DOCK9: variants seen among roughly 807,000 people sequenced by gnomAD.
The protein encoded by DOCK9 is dedicator of cytokinesis protein 9.
In DOCK9, 89 loss-of-function variants were observed where a neutral mutation model predicts 263.3. The ratio of observed to expected loss-of-function variants is 0.34; its 90% CI spans 0.28 to 0.40. The LOEUF (loss-of-function observed/expected upper bound fraction) is 0.40. Ranked by LOEUF, DOCK9 falls within the 10% of genes least tolerant of loss-of-function variation. The probability of loss-of-function intolerance (pLI) is 1.00; values close to 1 mark genes in which losing one functional copy is unlikely to be tolerated. For synonymous variants in DOCK9, 976 were observed against 973.1 expected (o/e 1.00, Z -0.06); for missense variants, 2,140 against 2,603.4 (o/e 0.82, Z 3.87).
intron 1 of DOCK9, among the ~76,000 whole-genome samples, chr13:99,070,452 C>A (rs1230555062): frequency 6.6e-6 from 1 of 152,104 alleles, no homozygotes; most frequent in Non-Finnish European, 1.5e-5. Context: ...CTGCTTACTG[C>A]GTTTTTTTTG....
chr13:98,835,999 G>A (rs1249280145), intron 39 of DOCK9, among the ~76,000 whole-genome samples: 4 of 152,110 alleles, frequency 2.6e-5, no homozygotes, highest in Non-Finnish European at 5.9e-5. Context: ...GCCTCCCAAA[G>A]TGCTGGGATT....
intron 1 of DOCK9, among the ~76,000 whole-genome samples, chr13:98,966,316 G>A (rs2059191112): frequency 1.3e-5 from 2 of 152,232 alleles, no homozygotes; most frequent in Admixed American, 1.3e-4. Context: ...GGGTAAAAGG[G>A]GAACACAGCG....
chr13:98,847,880 G>C (rs545266603), intron 37 of DOCK9, among the ~76,000 whole-genome samples: 1 of 152,316 alleles, frequency 6.6e-6, no homozygotes, highest in South Asian at 2.1e-4. Flanking sequence ...AATGGCAGTG[G>C]GGCAGGAGGA....
chr13:99,087,659 C>G (rs755719360), upstream of DOCK9, among the ~76,000 whole-genome samples: 1 of 152,180 alleles, frequency 6.6e-6, no homozygotes, highest in Non-Finnish European at 1.5e-5. Context: ...GCAGCCTAAC[C>G]CTCACAGGGC....
At chr13:98,952,093 T>C (rs2057500454) in intron 2 of DOCK9, among the ~76,000 whole-genome samples, 1 of 151,702 alleles carries the variant, frequency 6.6e-6, no homozygotes, top group African/African-American at 2.4e-5. Context: ...AGACGGGGTT[T>C]TGCCATGTTG....
intron 1 of DOCK9, among the ~76,000 whole-genome samples, chr13:98,990,550 A>G (rs1475611062): frequency 1.3e-5 from 2 of 152,236 alleles, no homozygotes; most frequent in Non-Finnish European, 2.9e-5. Context: ...AATTTGGGGA[A>G]AAACATGAGA....
At chr13:98,897,389 T>C (rs1433905966) in intron 15 of DOCK9, 99 bp downstream of exon 15, 3 of 1,452,336 alleles carry the variant, frequency 2.1e-6, no homozygotes, top group Admixed American at 2.1e-5. Flanking sequence ...TCCCCTCTGA[T>C]GTCTAAATCG....
rs912676622 is a variant in DOCK9, at chr13:99,015,761, A to G, written c.130-60210T>C. ...AAGGGAAGCTCTGAGCTGCCGTACT[A>G]GAATCCGCTCCTGCTCAACAGCCTG... is the stretch of plus-strand genomic sequence containing the variant. On this transcript the variant is annotated intron_variant, in intron 1 of 32. Transcript: ENST00000427887. 21 of 1,332,862 alleles carry G rather than the reference A, an allele frequency of 1.6e-5. No individual in the cohort carries two copies. The African/African-American group carries it at 2.8e-4, about 18-fold the overall frequency. The allele number at this position is 1,332,862 out of a possible 1,614,324, so 82.6% of individuals were successfully genotyped here.
chr13:99,031,122 T>A (rs1566327376), intron 1 of DOCK9, among the ~76,000 whole-genome samples: 4 of 116,348 alleles, frequency 3.4e-5, no homozygotes, highest in Non-Finnish European at 7.8e-5. Context: ...GATGTTTTTT[T>A]TAAAAAAAAG....
chr13:98,874,088 T>C (rs2094261042), intron 27 of DOCK9, among the ~76,000 whole-genome samples: 1 of 152,208 alleles, frequency 6.6e-6, no homozygotes, highest in African/African-American at 2.4e-5. Context: ...TCTTGACAAG[T>C]GAATATAACT....
upstream of DOCK9, among the ~76,000 whole-genome samples, chr13:98,982,718 G>C (rs143579741): frequency 2.1e-4 from 32 of 152,078 alleles, no homozygotes; most frequent in East Asian, 5.6e-3. Context: ...ATTTGTTAAG[G>C]GCCCAAATTA....
chr13:98,988,017 C>T (rs561407429), intron 1 of DOCK9, among the ~76,000 whole-genome samples: 15 of 152,074 alleles, frequency 9.9e-5, no homozygotes, highest in Admixed American at 5.2e-4. Flanking sequence ...AAATGTGAAA[C>T]AAATGGCTTT....
At chr13:98,905,259 A>T (rs7323393) in intron 9 of DOCK9, among the ~76,000 whole-genome samples, 20,535 of 152,254 alleles carry the variant, frequency 0.13, 1,441 homozygotes, top group South Asian at 0.2. Context: ...ATAAATATTC[A>T]TTAAGCACCT....
At chr13:99,053,038 A>G (rs1451702725) in intron 1 of DOCK9, among the ~76,000 whole-genome samples, 1 of 152,120 alleles carries the variant, frequency 6.6e-6, no homozygotes, top group Non-Finnish European at 1.5e-5. Context: ...TTACTCCTTC[A>G]GTCAAACCAC....
At chr13:99,048,230 G>T (rs2040527810) in intron 1 of DOCK9, among the ~76,000 whole-genome samples, 1 of 152,100 alleles carries the variant, frequency 6.6e-6, no homozygotes, top group African/African-American at 2.4e-5. Context: ...CCGGCTCAAA[G>T]CCAACAGCAG....
At chr13:98,897,340 T>C (rs1566896359) in intron 15 of DOCK9, 148 bp downstream of exon 15, 1 of 984,426 alleles carries the variant, frequency 1.0e-6, no homozygotes, top group Non-Finnish European at 1.5e-6. Flanking sequence ...CCATCTTTCT[T>C]CTCAAGGGTT....
intron 45 of DOCK9, among the ~76,000 whole-genome samples, chr13:98,815,592 CTA>C: frequency 6.6e-6 from 1 of 152,250 alleles, no homozygotes; most frequent in East Asian, 1.9e-4. Context: ...GGCCATTCTC[CTA>C]TCTCAGCCTC....
At position 98,824,351 on chromosome 13, in the gene DOCK9, C is replaced by A. The variant is rs1301047696; in HGVS notation, c.5130+47G>T. The A allele has an allele frequency of 8.4e-6, 13 of 1,552,028 alleles. No individual in the cohort carries two copies. The South Asian group carries it at 1.5e-4, about 17-fold the overall frequency. ...GCACTAGCAATGCAAACAGCAGGCT[C>A]CCAGATACCCCAGTACCTGAAAGCC... On this transcript the variant is annotated intron_variant, in intron 45 of 52. Transcript: ENST00000682017.
chr13:98,983,712 G>A (rs1877795356), intron 1 of DOCK9, among the ~76,000 whole-genome samples: 1 of 151,822 alleles, frequency 6.6e-6, no homozygotes, highest in African/African-American at 2.4e-5. Context: ...TGCCTCCTGG[G>A]TTCAAGTGAT....
Sources: gnomAD v4.1 joint callset for allele counts (sites outside exome capture counted in the v4.1 genomes callset) on GRCh38, gnomAD v4.1.1 for gene constraint, MANE v1.5 for transcripts, NCBI Gene and HGNC (gene_info 2026-07-23, HGNC 2026-07-21) for gene names.